HINFP: variants seen among roughly 807,000 people sequenced by gnomAD.
HINFP encodes the protein MBD2 (methyl-CpG-binding protein)-interacting zinc finger protein.
A neutral mutation model predicts 50.1 loss-of-function variants in HINFP; 20 were observed. The ratio of observed to expected loss-of-function variants is 0.40; its 90% CI spans 0.28 to 0.58. The LOEUF is 0.58. HINFP is among the 20% of genes least tolerant of loss of function. The pLI, the probability that HINFP is intolerant of heterozygous loss-of-function variation, is 0.45. For missense variants in HINFP, 505 were observed against 664.1 expected, an observed-to-expected ratio of 0.76 and a Z score of 2.63; for synonymous variants, 247 against 243.7, an observed-to-expected ratio of 1.01 and a Z score of -0.13.
At position 119,130,956 on chromosome 11, in the gene HINFP, TC is replaced by T. The variant is rs774571745; in HGVS notation, c.411+3del. 6 of 1,613,316 alleles carry T rather than the reference TC, an allele frequency of 3.7e-6. No homozygotes were observed. Among genetic ancestry groups the T allele is most frequent in the Non-Finnish European group, 5.1e-6 (6 of 1,179,330 alleles). ...CTGTGTCTGTGGGAGCACTGTGAGG[TC>T]AGCAGGCAGTGCCAGTAATTGGGGT... On this transcript the variant is annotated splice_donor_region_variant and intron_variant, in intron 3 of 9. Coordinates refer to ENST00000350777, the MANE Select transcript of HINFP (RefSeq NM_198971.3).
intron 9 of HINFP, 166 bp downstream of exon 9, chr11:119,133,385 C>G (rs965844596): frequency 4.7e-5 from 35 of 742,124 alleles, no homozygotes; most frequent in Admixed American, 1.5e-4. Flanking sequence ...TCGAGACCAG[C>G]CTGGCCAACA....
rs755205201 is a variant in HINFP at position 119,131,822 on chromosome 11, C to T, written c.524-8C>T. 6.2e-7 allele frequency: 1 copy of T among 1,613,808 alleles called. No individual in the cohort carries two copies. The highest frequency in any genetic ancestry group is 1.1e-5 in the South Asian group (1 of 91,052). ...TGTGGCAGGAGACTGATAGGGCTTC[C>T]TTCCCAGGCTGTACCTGCACCTTCA... On this transcript the variant is annotated splice_polypyrimidine_tract_variant and splice_region_variant and intron_variant, in intron 4 of 9. Coordinates refer to ENST00000350777, the MANE Select transcript of HINFP (RefSeq NM_198971.3). This position sits in a 1 kb window ranked among gnomAD's most constrained non-coding sequence, Gnocchi z 4.2.
chr11:119,134,197 C>T lies in HINFP; in HGVS notation c.1253C>T (p.Ser418Leu), dbSNP rs1357985767. ...CAAGAGGGATCGGGCCTGGGAACGT[C>T]GCTGAACGAGAGCAGCCTGCAGGGC... Reference protein sequence around the residue: ...QPQEGSGLGTSLNESSLQGII... With the variant: ...QPQEGSGLGTLLNESSLQGII... Residue 418 changes from serine to leucine, a missense_variant, in exon 10 of 10, where the codon TCG (serine) becomes TTG (leucine). By Grantham distance (145) the Ser-to-Leu change is moderately radical. Transcript: ENST00000350777. The surrounding 1 kb of genome is among the most constrained non-coding windows in gnomAD (Gnocchi z 4.3). 5 of 1,614,188 alleles carry T rather than the reference C, an allele frequency of 3.1e-6. No homozygotes were observed. Among genetic ancestry groups the T allele is most frequent in the East Asian group, 2.2e-5 (1 of 44,890 alleles).
Position 119,132,508 on chromosome 11 carries a change from A to T in HINFP, c.689A>T (p.Gln230Leu), listed in dbSNP as rs544787874. 2.5e-6 allele frequency: 4 copies of T among 1,613,894 alleles called. No individual in the cohort carries two copies. The highest frequency in any genetic ancestry group is 3.4e-6 in the Non-Finnish European group (4 of 1,180,026). ...TGCCCCACCCCAGAGCAGCACTTCC[A>T]GTGTTCTCACTGTTCCAAGAGATTT... The part of the protein sequence containing the change: ...RQTSLDQQHF[Q>L]CSHCSKRFAT... Residue 230 changes from glutamine to leucine, a missense_variant, in exon 6 of 10, where the codon CAG becomes CTG. Physicochemically the swap from Gln to Leu is moderately radical, Grantham distance 113. Transcript: ENST00000350777.
intron 1 of HINFP, 178 bp downstream of exon 1, chr11:119,121,817 C>T (rs1565783917): frequency 6.6e-6 from 1 of 152,612 alleles, no homozygotes; most frequent in African/African-American, 2.4e-5. Flanking sequence ...ACTCGGTCGC[C>T]GCCACGCCTT....
At position 119,134,355 on chromosome 11, in the gene HINFP, A is replaced by G. The variant is rs1947951534; in HGVS notation, c.1411A>G (p.Asn471Asp). ...SSVIHVVNQT[N>D]AQGQQEIVYY... is the part of the protein sequence containing the mutation. ...TGTCATCCACGTGGTGAATCAGACC[A>G]ATGCCCAAGGCCAGCAAGAGATCGT... Residue 471 changes from asparagine to aspartate, a missense_variant, in exon 10 of 10, where the codon AAT becomes GAT. Physicochemically the swap from Asn to Asp is conservative, Grantham distance 23 (BLOSUM62 1). Coordinates refer to ENST00000350777, the MANE Select transcript of HINFP (RefSeq NM_198971.3). This position sits in a 1 kb window ranked among gnomAD's most constrained non-coding sequence, Gnocchi z 4.3. 2.5e-6 allele frequency: 4 copies of G among 1,614,176 alleles called. 1 individual carries two copies. The South Asian group carries it at 3.3e-5, about 13-fold the overall frequency.
In HINFP at chr11:119,134,197, C is replaced by A; in HGVS notation, c.1253C>A (p.Ser418Ter). 1 of 1,614,188 alleles carries A rather than the reference C, an allele frequency of 6.2e-7. No individual in the cohort carries two copies. Among genetic ancestry groups the A allele is most frequent in the South Asian group, 1.1e-5 (1 of 91,080 alleles). Residue 418 changes from serine (S) to a stop codon, truncating the protein, a stop_gained, in exon 10 of 10, where the codon TCG becomes TAG. Transcript: ENST00000350777. LOFTEE classifies it low-confidence loss of function (END_TRUNC). The surrounding 1 kb of genome is among the most constrained non-coding windows in gnomAD (Gnocchi z 4.3). ...QPQEGSGLGT[S>*]LNESSLQGII... ...CAAGAGGGATCGGGCCTGGGAACGT[C>A]GCTGAACGAGAGCAGCCTGCAGGGC...
In HINFP at chr11:119,133,424, C is replaced by G. The variant is rs77974874; in HGVS notation, c.1139+205C>G. The G allele has an allele frequency of 4.4e-3, 2,379 of 540,698 alleles. 51 individuals are homozygous for G. The highest frequency in any genetic ancestry group is 0.042 in the African/African-American group (2,192 of 52,330). The allele number at this position is 540,698 out of a possible 1,614,324, so 33.5% of individuals were successfully genotyped here. On this transcript the variant is annotated intron_variant, in intron 9 of 9. Transcript: ENST00000350777. ...TGAAACCCCGTCTCTACTAAAAATA[C>G]AAAAAGTAGCTGAGCATGGTGGCAC...
rs1947750968 is a variant in HINFP, at chr11:119,131,455, G to C, written c.412-80G>C. 2 of 963,290 alleles carry C rather than the reference G, an allele frequency of 2.1e-6. No homozygotes were observed. Among genetic ancestry groups the C allele is most frequent in the South Asian group, 1.3e-5 (1 of 77,520 alleles). 59.7% of individuals were successfully genotyped at this position (963,290 alleles called of 1,614,324 possible). A position where few individuals can be genotyped will look rare whatever the true frequency, so the allele number is the denominator to read the frequency against. On this transcript the variant is annotated intron_variant, in intron 3 of 9. Coordinates refer to ENST00000350777, the MANE Select transcript of HINFP (RefSeq NM_198971.3). The surrounding 1 kb of genome is among the most constrained non-coding windows in gnomAD (Gnocchi z 4.2). ...ATCCCCATCAAGTTAATTTGGGAGA[G>C]AGCCAAGAATTCTTCGGGCACATAG...
In HINFP at chr11:119,134,276, G is replaced by A. The variant is rs1947945744; in HGVS notation, c.1332G>A (p.Glu444=). Residue 444 remains glutamate (E), a synonymous_variant, in exon 10 of 10, where the codon GAG becomes GAA. Transcript: ENST00000350777. This position sits in a 1 kb window ranked among gnomAD's most constrained non-coding sequence, Gnocchi z 4.3. ...CAGGACGTAAGGAAGAGGAAGAGGAGGGCAAGGGTAGCGAAGGGACAGCCC... is the reference window on the plus strand; with the variant it reads ...CAGGACGTAAGGAAGAGGAAGAGGAAGGCAAGGGTAGCGAAGGGACAGCCC... ...GEPGRKEEEE[E]GKGSEGTALS... is the part of the protein sequence containing the mutation. 1 of 1,613,942 alleles carries A rather than the reference G, an allele frequency of 6.2e-7. No homozygotes were observed.
intron 1 of HINFP, chr11:119,126,383 G>T (rs572651003): frequency 1.4e-5 from 2 of 147,906 alleles, no homozygotes; most frequent in South Asian, 4.2e-4. Context: ...AGCACCTACG[G>T]CAAAGGGTGG....
intron 2 of HINFP, 35 bp from the exon 3 acceptor site, chr11:119,130,690 G>C: frequency 6.3e-7 from 1 of 1,588,110 alleles, no homozygotes; most frequent in Non-Finnish European, 8.6e-7. Flanking sequence ...GCCTTGGAAA[G>C]TGTCAGACTC....
intron 1 of HINFP, among the ~76,000 whole-genome samples, chr11:119,122,593 T>C (rs1167283141): frequency 6.6e-5 from 10 of 152,156 alleles, no homozygotes; most frequent in Admixed American, 5.9e-4. Context: ...TCTCCTGATA[T>C]TTATTGAGTA....
intron 9 of HINFP, chr11:119,133,424 C>T: frequency 3.7e-6 from 2 of 540,702 alleles, no homozygotes; most frequent in Non-Finnish European, 6.5e-6. Flanking sequence ...ACTAAAAATA[C>T]AAAAAGTAGC....
rs1947757073 is a variant in HINFP at position 119,131,550 on chromosome 11, C to T, written c.427C>T (p.Pro143Ser). The T allele has an allele frequency of 1.2e-6, 2 of 1,613,832 alleles. No individual in the cohort carries two copies. The highest frequency in any genetic ancestry group is 1.7e-6 in the Non-Finnish European group (2 of 1,179,822). Residue 143 changes from proline to serine, a missense_variant, in exon 4 of 10, where the codon CCT (proline) becomes TCT (serine). By Grantham distance (74) the Pro-to-Ser change is moderately conservative. Transcript: ENST00000350777. The surrounding 1 kb of genome is among the most constrained non-coding windows in gnomAD (Gnocchi z 4.2). ...WEHCENSFDNPEWFYRHVEAH... is the reference protein window; with the variant it reads ...WEHCENSFDNSEWFYRHVEAH... ...CCTGGCACAGAATTCCTTCGACAAT[C>T]CTGAGTGGTTTTATCGGCATGTGGA...
At chr11:119,126,083 T>G (rs1393630235) in intron 1 of HINFP, 1 of 152,186 alleles carries the variant, frequency 6.6e-6, no homozygotes, top group African/African-American at 2.4e-5. Context: ...CTGGGCGTGG[T>G]GGCTCACACC....
At chr11:119,130,271 C>T (rs925982737) in intron 2 of HINFP, 7 of 168,364 alleles carry the variant, frequency 4.2e-5, no homozygotes, top group African/African-American at 1.4e-4. Context: ...TGCACACACT[C>T]TCACCTCTGC....
chr11:119,134,407 G>C lies in HINFP; in HGVS notation c.1463G>C (p.Gly488Ala), dbSNP rs1324582693. The C allele has an allele frequency of 4.3e-6, 7 of 1,614,204 alleles. No individual in the cohort carries two copies. The highest frequency in any genetic ancestry group is 5.1e-6 in the Non-Finnish European group (6 of 1,180,032). The stretch of plus-strand genomic sequence containing the variant: ...TACTATGTGCTGTCTGAAGCCCCAG[G>C]GGAGCCTCCCCCAGCCCCTGAGCCA... ...IVYYVLSEAP[G>A]EPPPAPEPPS... Residue 488 changes from glycine (G) to alanine (A), a missense_variant, in exon 10 of 10, where the codon GGG becomes GCG. Transcript: ENST00000350777. The surrounding 1 kb of genome is among the most constrained non-coding windows in gnomAD (Gnocchi z 4.3).
intron 2 of HINFP, among the ~76,000 whole-genome samples, chr11:119,128,395 T>C (rs1947544868): frequency 6.6e-6 from 1 of 152,092 alleles, no homozygotes; most frequent in African/African-American, 2.4e-5. Flanking sequence ...AACCTCTGCC[T>C]CCTCGGTTCA....
Sources: gnomAD v4.1 joint callset for allele counts (sites outside exome capture counted in the v4.1 genomes callset) on GRCh38, gnomAD v4.1.1 for gene constraint, Gnocchi (gnomAD v3.1) non-coding constraint, MANE v1.5 for transcripts, NCBI Gene and HGNC (gene_info 2026-07-23, HGNC 2026-07-21) for gene names.